Variants in CGNL1 observed in about 807,000 individuals in gnomAD.
CGNL1 encodes the protein cingulin-like protein 1.
A neutral mutation model predicts 141.2 loss-of-function variants in CGNL1; 132 were observed. That is an observed-to-expected ratio of 0.93 (90% CI 0.81 to 1.08). The LOEUF (loss-of-function observed/expected upper bound fraction) is 1.08. Ranked by LOEUF, CGNL1 falls within the 50% of genes least tolerant of loss-of-function variation. CGNL1 has a pLI of 0.00. For synonymous variants in CGNL1, 690 were observed against 622.1 expected (o/e 1.11, Z -1.63); for missense variants, 1,870 against 1,588.6 (o/e 1.18, Z -3.01).
At chr15:57,406,773 G>A (rs1470889325) in intron 1 of CGNL1, among the ~76,000 whole-genome samples, 1 of 152,184 alleles carries the variant, frequency 6.6e-6, no homozygotes, top group Non-Finnish European at 1.5e-5. Flanking sequence ...TGTAGTGAGT[G>A]TACTGAATTA....
At chr15:57,475,386 C>T (rs72739739) in intron 8 of CGNL1, among the ~76,000 whole-genome samples, 21,417 of 152,068 alleles carry the variant, frequency 0.14, 1,539 homozygotes, top group Middle Eastern at 0.19. Flanking sequence ...CTTTGCTTTG[C>T]AATCCTGACC....
chr15:57,496,310 A>G (rs531946218), intron 8 of CGNL1, among the ~76,000 whole-genome samples: 3 of 152,336 alleles, frequency 2.0e-5, no homozygotes, highest in Admixed American at 1.3e-4. Context: ...ATTTGGGTTG[A>G]GCCCTGCCTT....
At chr15:57,526,098 G>A (rs1380500465) in intron 12 of CGNL1, among the ~76,000 whole-genome samples, 1 of 151,576 alleles carries the variant, frequency 6.6e-6, no homozygotes, top group Admixed American at 6.6e-5. Flanking sequence ...CCTCTAGTTA[G>A]ATAAGGAAAC....
At chr15:57,389,017 T>G (rs2062513876) in intron 1 of CGNL1, among the ~76,000 whole-genome samples, 1 of 152,036 alleles carries the variant, frequency 6.6e-6, no homozygotes, top group African/African-American at 2.4e-5. Flanking sequence ...AGTCAAACTA[T>G]AGAGAGGTGT....
chr15:57,498,250 T>TTG (rs1419703568), intron 8 of CGNL1, among the ~76,000 whole-genome samples: 1 of 146,004 alleles, frequency 6.8e-6, no homozygotes, highest in African/African-American at 2.5e-5. Flanking sequence ...AAACAGTTTT[T>TTG]TTTTTTTTTT....
rs767165294 is a variant in CGNL1 at position 57,452,170 on chromosome 15, G to C, written c.1935G>C (p.Glu645Asp). Residue 645 changes from glutamate to aspartate, a missense_variant, in exon 6 of 19, where the codon GAG becomes GAC. Glu to Asp is a conservative substitution (Grantham distance 45). Coordinates refer to ENST00000281282, the MANE Select transcript of CGNL1 (RefSeq NM_032866.5). ...KNQQNIKEER[E>D]RMRANLEELR... ...AACAGAACATTAAAGAAGAGAGAGA[G>C]AGGATGAGAGCAAACCTAGAAGAGC... The C allele has an allele frequency of 2.5e-6, 4 of 1,613,800 alleles. No individual in the cohort carries two copies. Among genetic ancestry groups the C allele is most frequent in the Middle Eastern group, 1.7e-4 (1 of 6,060 alleles).
chr15:57,422,482 T>G (rs1351880598), intron 1 of CGNL1, among the ~76,000 whole-genome samples: 1 of 152,204 alleles, frequency 6.6e-6, no homozygotes, highest in East Asian at 1.9e-4. Flanking sequence ...TACTCTTCTC[T>G]TTTTGCAGTT....
chr15:57,378,538 T>A (rs1215349879), intron 1 of CGNL1, among the ~76,000 whole-genome samples: 1 of 151,910 alleles, frequency 6.6e-6, no homozygotes, highest in Non-Finnish European at 1.5e-5. Flanking sequence ...CCCGCTACCA[T>A]GCTCGGCTAC....
chr15:57,435,580 A>G (rs1434938558), intron 1 of CGNL1, among the ~76,000 whole-genome samples: 1 of 152,096 alleles, frequency 6.6e-6, no homozygotes, highest in African/African-American at 2.4e-5. Flanking sequence ...TGGTGAGATA[A>G]TGATAAATAT....
chr15:57,530,276 C>A (rs1236960871), intron 13 of CGNL1, among the ~76,000 whole-genome samples: 1 of 152,214 alleles, frequency 6.6e-6, no homozygotes, highest in African/African-American at 2.4e-5. Context: ...CTTTGGCCGA[C>A]TTAGGTCTAG....
chr15:57,540,459 A>G (rs1595813993), intron 14 of CGNL1, among the ~76,000 whole-genome samples: 1 of 151,994 alleles, frequency 6.6e-6, no homozygotes, highest in Admixed American at 6.5e-5. Context: ...CATGGGAAAG[A>G]CCCGCCCCCG....
chr15:57,514,012 T>C (rs1336337714), intron 8 of CGNL1, among the ~76,000 whole-genome samples: 1 of 152,226 alleles, frequency 6.6e-6, no homozygotes, highest in Non-Finnish European at 1.5e-5. Flanking sequence ...TATCTTTCTT[T>C]TTTATTATAG....
chr15:57,544,624 C>T (rs1281456525), intron 16 of CGNL1, 27 bp downstream of exon 16: 1 of 1,558,636 alleles, frequency 6.4e-7, no homozygotes, highest in East Asian at 2.4e-5. Context: ...CACTGCAGTG[C>T]GGAGGCCCCA....
rs1342907970 is a variant in CGNL1, at chr15:57,440,424, C to T, written c.1650C>T (p.Thr550=). 1.2e-6 allele frequency: 2 copies of T among 1,602,736 alleles called. No homozygotes were observed. The highest frequency in any genetic ancestry group is 3.4e-5 in the Admixed American group (2 of 58,882). The part of the protein sequence containing the change: ...LKGQQELTQQ[T]NEETAKQILY... Reference sequence around the variant, plus strand: ...GCCAGCAAGAGCTCACTCAGCAAACCAATGAGGAGACAGCTAAGCAGATTC... The same window carrying T: ...GCCAGCAAGAGCTCACTCAGCAAACTAATGAGGAGACAGCTAAGCAGATTC... The change falls in exon 3 of 19, where the codon ACC becomes ACT. Residue 550 remains threonine (T), a synonymous_variant. Transcript: ENST00000281282.
At chr15:57,524,113 T>C (rs1362962617) in intron 11 of CGNL1, among the ~76,000 whole-genome samples, 2 of 152,180 alleles carry the variant, frequency 1.3e-5, no homozygotes, top group African/African-American at 4.8e-5. Flanking sequence ...TTGACACGAG[T>C]GTCTGCTGTT....
chr15:57,436,115 G>A (rs1032336389), intron 1 of CGNL1, among the ~76,000 whole-genome samples: 2 of 152,144 alleles, frequency 1.3e-5, no homozygotes, highest in Non-Finnish European at 2.9e-5. Flanking sequence ...CTAGAAAATA[G>A]TAATAGAAAC....
chr15:57,546,234 C>T lies in CGNL1; in HGVS notation c.3768C>T (p.Asp1256=). ...LQGQLNSMKK[D]LRLKKLPSKV... ...GGCAGCTCAACTCCATGAAGAAGGA[C>T]TTAAGGTGGGCAGGTGTGGAGGCCA... Residue 1256 remains aspartate (D), a synonymous_variant, in exon 18 of 19, where the codon GAC becomes GAT. Transcript: ENST00000281282. 2 of 1,579,010 alleles carry T rather than the reference C, an allele frequency of 1.3e-6. No homozygotes were observed. The highest frequency in any genetic ancestry group is 1.7e-6 in the Non-Finnish European group (2 of 1,162,364).
rs555356334 is a variant in CGNL1 at position 57,377,545 on chromosome 15, G to A, written c.-16+978G>A. On this transcript the variant is annotated intron_variant, in intron 1 of 18. Coordinates refer to ENST00000281282, the MANE Select transcript of CGNL1 (RefSeq NM_032866.5). ...ACGGCTCAAGATCAGTCCTGATCTA[G>A]AACTCATCTCAGGTCCTCATAGCTC... 4.2e-4 allele frequency among the ~76,000 whole-genome samples: 64 copies of A among 152,294 alleles called. No homozygotes were observed. The South Asian group carries it at 0.012, about 30-fold the overall frequency.
intron 1 of CGNL1, among the ~76,000 whole-genome samples, chr15:57,436,295 A>T (rs189640712): frequency 4.3e-4 from 65 of 152,312 alleles, no homozygotes; most frequent in African/African-American, 1.4e-3. Context: ...CTAATAAGAT[A>T]TAAGGGATTA....
Sources: allele counts gnomAD v4.1 joint callset (sites outside exome capture counted in the v4.1 genomes callset), GRCh38; gene constraint gnomAD v4.1.1; transcripts MANE v1.5; gene names NCBI Gene and HGNC (gene_info 2026-07-23, HGNC 2026-07-21).